TTC7B: variants seen among roughly 807,000 people sequenced by gnomAD.
TTC7B encodes tetratricopeptide repeat domain 7B.
TTC7B carries 28 observed loss-of-function variants against 106.8 expected under a neutral mutation model. That is an observed-to-expected ratio of 0.26 (90% CI 0.19 to 0.36). The LOEUF is 0.36. TTC7B is among the 10% of genes least tolerant of loss of function. The pLI, the probability that TTC7B is intolerant of heterozygous loss-of-function variation, is 1.00. For synonymous variants in TTC7B, 405 were observed against 430.6 expected, an observed-to-expected ratio of 0.94 and a Z score of 0.74; for missense variants, 862 against 1,076.4, an observed-to-expected ratio of 0.80 and a Z score of 2.79.
Position 90,709,063 on chromosome 14 carries a change from T to C in TTC7B, c.699-13485A>G, listed in dbSNP as rs562726388. On this transcript the variant is annotated intron_variant, in intron 5 of 19. Coordinates refer to ENST00000328459, the MANE Select transcript of TTC7B (RefSeq NM_001010854.2). The stretch of plus-strand genomic sequence containing the variant: ...AGGTGCTGGAGAGGATGTGGAGAAA[T>C]AGGAACACTTTTACACTGTTGGTGG... Among the ~76,000 whole-genome samples the C allele has an allele frequency of 3.3e-5, 5 of 151,810 alleles. No homozygotes were observed. In the South Asian group the frequency reaches 1.0e-3, roughly 32 times the overall value.
rs1426737064 is a variant in TTC7B, at chr14:90,663,363, A to C, written c.1153-4976T>G. ...CACACTTCATTTATCAGGCCCACTCATGCTGCAGAAAGCAAAGGACAACTA... is the reference window on the plus strand; with the variant it reads ...CACACTTCATTTATCAGGCCCACTCCTGCTGCAGAAAGCAAAGGACAACTA... On this transcript the variant is annotated intron_variant, in intron 9 of 19. Transcript: ENST00000328459. The surrounding 1 kb of genome is among the most constrained non-coding windows in gnomAD (Gnocchi z 4.5). Among the ~76,000 whole-genome samples the C allele has an allele frequency of 3.9e-5, 6 of 152,198 alleles. No individual in the cohort carries two copies. Among genetic ancestry groups the C allele is most frequent in the African/African-American group, 1.4e-4 (6 of 41,450 alleles).
intron 8 of TTC7B, chr14:90,677,692 G>A (rs1886894094): frequency 2.8e-6 from 1 of 359,218 alleles, no homozygotes; most frequent in South Asian, 2.1e-5. Context: ...CCGGCAGGCT[G>A]ACGTTGATCT....
intron 5 of TTC7B, among the ~76,000 whole-genome samples, chr14:90,729,358 C>A (rs1889236722): frequency 6.6e-6 from 1 of 152,162 alleles, no homozygotes; most frequent in South Asian, 2.1e-4. Flanking sequence ...CTGGACTACT[C>A]TAGAGGAGGG....
rs1885996317 is a variant in TTC7B, at chr14:90,657,412, G to T, written c.1237-134C>A. Reference sequence around the variant, plus strand: ...CCAACTTTAAGCCCAAGCAAGCGGGGGCCTGAGGTGCATGAAAACCAGAGC... The same window carrying T: ...CCAACTTTAAGCCCAAGCAAGCGGGTGCCTGAGGTGCATGAAAACCAGAGC... On this transcript the variant is annotated intron_variant, in intron 10 of 19. Coordinates refer to ENST00000328459, the MANE Select transcript of TTC7B (RefSeq NM_001010854.2). The surrounding 1 kb of genome is among the most constrained non-coding windows in gnomAD (Gnocchi z 4.2). The T allele has an allele frequency of 4.2e-6, 3 of 711,808 alleles. No homozygotes were observed. The highest frequency in any genetic ancestry group is 1.8e-5 in the African/African-American group (1 of 56,010). 44.1% of individuals were successfully genotyped at this position (711,808 alleles called of 1,614,324 possible). A position where few individuals can be genotyped will look rare whatever the true frequency, so the allele number is the denominator to read the frequency against.
intron 19 of TTC7B, among the ~76,000 whole-genome samples, chr14:90,553,428 G>A (rs1890171755): frequency 1.3e-5 from 2 of 152,222 alleles, no homozygotes; most frequent in Non-Finnish European, 2.9e-5. Context: ...GGGGATGCCT[G>A]GGCCTCGGCT....
At chr14:90,747,110 T>C (rs764816345) in intron 3 of TTC7B, among the ~76,000 whole-genome samples, 8 of 152,170 alleles carry the variant, frequency 5.3e-5, no homozygotes, top group African/African-American at 9.7e-5. Flanking sequence ...GCTATATCAG[T>C]CTGATCTCTG....
At chr14:90,704,859 C>T (rs1324928661) in intron 5 of TTC7B, among the ~76,000 whole-genome samples, 1 of 152,208 alleles carries the variant, frequency 6.6e-6, no homozygotes, top group Non-Finnish European at 1.5e-5. Context: ...CACAGCACCT[C>T]ATTTATTTGG....
intron 18 of TTC7B, among the ~76,000 whole-genome samples, chr14:90,590,285 T>C (rs145050107): frequency 6.6e-6 from 1 of 152,300 alleles, no homozygotes; most frequent in African/African-American, 2.4e-5. Context: ...CCTTGTCATA[T>C]ACATGCACAG....
At chr14:90,569,365 T>C (rs957217974) in intron 19 of TTC7B, among the ~76,000 whole-genome samples, 3 of 152,200 alleles carry the variant, frequency 2.0e-5, no homozygotes, top group African/African-American at 7.2e-5. Flanking sequence ...TATGCAGGGC[T>C]GAGGCTGTGT....
At chr14:90,652,803 T>C in intron 13 of TTC7B, 38 bp downstream of exon 13, 1 of 1,610,288 alleles carries the variant, frequency 6.2e-7, no homozygotes, top group Non-Finnish European at 8.5e-7. Context: ...TTTGGTGTCA[T>C]TATGTACAGC....
At chr14:90,574,711 T>C (rs1395044548) in intron 19 of TTC7B, among the ~76,000 whole-genome samples, 4 of 152,208 alleles carry the variant, frequency 2.6e-5, no homozygotes, top group Non-Finnish European at 5.9e-5. Flanking sequence ...ACTCCTGGCA[T>C]AACTGTTCTC....
chr14:90,580,345 T>A (rs1324861021), intron 18 of TTC7B, among the ~76,000 whole-genome samples: 6 of 152,222 alleles, frequency 3.9e-5, no homozygotes, highest in African/African-American at 1.4e-4. Flanking sequence ...TAGGTACTAT[T>A]ATTTTATCCC....
At chr14:90,741,803 A>C (rs1013645799) in intron 4 of TTC7B, among the ~76,000 whole-genome samples, 1 of 152,230 alleles carries the variant, frequency 6.6e-6, no homozygotes, top group African/African-American at 2.4e-5. Flanking sequence ...CCTTCTGCTT[A>C]ATCAACAGTT....
Position 90,816,243 on chromosome 14 carries a change from C to T in TTC7B, c.53G>A (p.Arg18His). 2 of 1,260,864 alleles carry T rather than the reference C, an allele frequency of 1.6e-6. No homozygotes were observed. The highest frequency in any genetic ancestry group is 1.3e-5 in the South Asian group (1 of 77,758). The allele number at this position is 1,260,864 out of a possible 1,614,324, so 78.1% of individuals were successfully genotyped here. A position where few individuals can be genotyped will look rare whatever the true frequency, so the allele number is the denominator to read the frequency against. Reference protein sequence around the residue: ...SRLETEIERCRSECQWERIPE... With the variant: ...SRLETEIERCHSECQWERIPE... ...GATCCGCTCCCACTGGCACTCGGAG[C>T]GGCAGCGCTCGATCTCCGTCTCCAG... The change falls in exon 1 of 20, where the codon CGC becomes CAC. Residue 18 changes from arginine (R) to histidine (H), a missense_variant. Physicochemically the swap from Arg to His is conservative, Grantham distance 29 (BLOSUM62 0). Coordinates refer to ENST00000328459, the MANE Select transcript of TTC7B (RefSeq NM_001010854.2).
intron 9 of TTC7B, among the ~76,000 whole-genome samples, chr14:90,659,286 AGGG>A (rs1315243996): frequency 7.2e-6 from 1 of 138,224 alleles, no homozygotes; most frequent in Non-Finnish European, 1.6e-5. Flanking sequence ...GAGGGAGAGA[AGGG>A]GAGGTGTTTT....
At chr14:90,719,619 G>C (rs1888808025) in intron 5 of TTC7B, among the ~76,000 whole-genome samples, 1 of 152,194 alleles carries the variant, frequency 6.6e-6, no homozygotes, top group African/African-American at 2.4e-5. Flanking sequence ...GAGGTGAAAA[G>C]GAACAAACAG....
rs1566754794 is a variant in TTC7B, at chr14:90,531,613, CCTT to C, written c.*9752_*9754del. ...CAGCCTGGACAACAAGAGCGAAACT[CCTT>C]CTCAAAAAAAAAAAAAAAAAAAAAA... On this transcript the variant is annotated 3_prime_UTR_variant, in exon 20 of 20. Coordinates refer to ENST00000328459, the MANE Select transcript of TTC7B (RefSeq NM_001010854.2). The C allele has an allele frequency of 7.5e-6, 1 of 133,354 alleles. No homozygotes were observed. Among genetic ancestry groups the C allele is most frequent in the African/African-American group, 3.0e-5 (1 of 33,888 alleles). 8.3% of individuals were successfully genotyped at this position (133,354 alleles called of 1,614,324 possible).
At chr14:90,549,417 C>T (rs1038023466) in intron 19 of TTC7B, among the ~76,000 whole-genome samples, 2 of 152,204 alleles carry the variant, frequency 1.3e-5, no homozygotes, top group African/African-American at 2.4e-5. Context: ...GTGGCAGCTT[C>T]TGGGGTGGAA....
chr14:90,808,391 C>A lies in TTC7B; in HGVS notation c.121+7784G>T, dbSNP rs2030721134. On this transcript the variant is annotated intron_variant, in intron 1 of 19. Coordinates refer to ENST00000328459, the MANE Select transcript of TTC7B (RefSeq NM_001010854.2). This position sits in a 1 kb window ranked among gnomAD's most constrained non-coding sequence, Gnocchi z 4.2. ...AACACTCATCAAGTCAGGACAGCTA[C>A]AGTTTCAGATGATCATGTGATGTGT... 6.6e-6 allele frequency among the ~76,000 whole-genome samples: 1 copy of A among 152,232 alleles called. No homozygotes were observed. Among genetic ancestry groups the A allele is most frequent in the Middle Eastern group, 3.2e-3 (1 of 316 alleles).
Sources: gnomAD v4.1 joint callset for allele counts (sites outside exome capture counted in the v4.1 genomes callset) on GRCh38, gnomAD v4.1.1 for gene constraint, Gnocchi (gnomAD v3.1) non-coding constraint, MANE v1.5 for transcripts, NCBI Gene and HGNC (gene_info 2026-07-23, HGNC 2026-07-21) for gene names.